The following NR6A1 variants were observed in gnomAD, a reference collection of about 807,000 sequenced individuals.
NR6A1 encodes the protein nuclear receptor subfamily 6 group A member 1.
Under a neutral mutation model 59.1 loss-of-function variants are expected in NR6A1, and 7 were observed. That is an observed-to-expected ratio of 0.12 (90% confidence interval 0.07 to 0.22). NR6A1 has a LOEUF of 0.22. NR6A1 is among the 10% of genes least tolerant of loss of function. The probability of loss-of-function intolerance (pLI) is 1.00; values close to 1 mark genes in which losing one functional copy is unlikely to be tolerated. For synonymous variants in NR6A1, 243 were observed against 236.1 expected, an observed-to-expected ratio of 1.03 and a Z score of -0.27; for missense variants, 468 against 611.6, an observed-to-expected ratio of 0.77 and a Z score of 2.48.
intron 1 of NR6A1, among the ~76,000 whole-genome samples, chr9:124,739,340 G>A (rs886230569): frequency 6.6e-5 from 10 of 152,182 alleles, no homozygotes; most frequent in Non-Finnish European, 1.0e-4. Flanking sequence ...CATGAGATTT[G>A]GTGAATATAT....
intron 2 of NR6A1, among the ~76,000 whole-genome samples, chr9:124,588,544 G>A (rs1835001778): frequency 1.3e-5 from 2 of 150,122 alleles, no homozygotes; most frequent in South Asian, 2.1e-4. Flanking sequence ...TCCTGGCCTC[G>A]TGATCCACCC....
At chr9:124,713,853 G>T (rs1352900649) in intron 2 of NR6A1, among the ~76,000 whole-genome samples, 2 of 152,188 alleles carry the variant, frequency 1.3e-5, no homozygotes, top group African/African-American at 4.8e-5. Flanking sequence ...ATTAAAAACA[G>T]AATTACCATA....
At chr9:124,711,945 T>C (rs1021691645) in intron 2 of NR6A1, among the ~76,000 whole-genome samples, 1 of 152,256 alleles carries the variant, frequency 6.6e-6, no homozygotes, top group Non-Finnish European at 1.5e-5. Flanking sequence ...GCTCTTAGAA[T>C]GACCTAAGGG....
chr9:124,706,395 A>T (rs1839133533), intron 2 of NR6A1, among the ~76,000 whole-genome samples: 1 of 152,174 alleles, frequency 6.6e-6, no homozygotes, highest in Non-Finnish European at 1.5e-5. Flanking sequence ...ACTCCCTTTC[A>T]GCTTGAAGAA....
chr9:124,556,440 A>G lies in NR6A1; in HGVS notation c.143-1870T>C, dbSNP rs576812981. Reference sequence around the variant, plus strand: ...GGAGTGTGGCTCTGCAAACACTTTCATTTCAGCCCAGGGATACTGATTTTT... The same window carrying G: ...GGAGTGTGGCTCTGCAAACACTTTCGTTTCAGCCCAGGGATACTGATTTTT... On this transcript the variant is annotated intron_variant, in intron 2 of 9. Coordinates refer to ENST00000487099, the MANE Select transcript of NR6A1 (RefSeq NM_033334.4). Among the ~76,000 whole-genome samples, 65 of 151,414 alleles carry G rather than the reference A, an allele frequency of 4.3e-4. 1 individual carries two copies. Among genetic ancestry groups the G allele is most frequent in the African/African-American group, 1.6e-3 (64 of 41,246 alleles).
intron 1 of NR6A1, among the ~76,000 whole-genome samples, chr9:124,759,279 G>A (rs1220104450): frequency 2.2e-4 from 34 of 152,218 alleles, no homozygotes; most frequent in Non-Finnish European, 4.4e-5. Context: ...CTGCATTCCC[G>A]AATACAGTCA....
intron 1 of NR6A1, among the ~76,000 whole-genome samples, chr9:124,767,823 T>A (rs1042674990): frequency 1.3e-5 from 2 of 152,252 alleles, no homozygotes; most frequent in African/African-American, 4.8e-5. Context: ...TTTAATTACT[T>A]ATAATGGCTT....
At chr9:124,628,585 G>A (rs570621747) in intron 2 of NR6A1, among the ~76,000 whole-genome samples, 4 of 150,306 alleles carry the variant, frequency 2.7e-5, no homozygotes, top group South Asian at 2.1e-4. Flanking sequence ...CTTGTGATCC[G>A]TCCGCCTTGG....
intron 2 of NR6A1, among the ~76,000 whole-genome samples, chr9:124,566,936 G>A (rs1042521441): frequency 5.9e-5 from 9 of 151,968 alleles, no homozygotes; most frequent in Middle Eastern, 3.4e-3. Context: ...GTGAAACCCC[G>A]TCTCTACTAA....
chr9:124,536,334 G>T (rs1833266291), intron 6 of NR6A1, among the ~76,000 whole-genome samples: 1 of 152,120 alleles, frequency 6.6e-6, no homozygotes, highest in South Asian at 2.1e-4. Flanking sequence ...GGGCTGGAGA[G>T]GCGGGTCTGG....
chr9:124,550,706 T>C (rs1833753895), intron 3 of NR6A1, among the ~76,000 whole-genome samples: 1 of 151,944 alleles, frequency 6.6e-6, no homozygotes. Context: ...TTTATATTTA[T>C]ATTTATATTT....
At chr9:124,675,898 G>A (rs1289535362) in intron 2 of NR6A1, among the ~76,000 whole-genome samples, 4 of 152,122 alleles carry the variant, frequency 2.6e-5, no homozygotes, top group African/African-American at 4.8e-5. Context: ...GAAAAAGTAC[G>A]CTCTTGCCGG....
chr9:124,770,950 G>C, intron 1 of NR6A1, 70 bp downstream of exon 1: 1 of 895,412 alleles, frequency 1.1e-6, no homozygotes, highest in Non-Finnish European at 1.5e-6. Context: ...GCAGAGAGGA[G>C]GGGGATCCCT....
chr9:124,561,585 T>A (rs913139619), intron 2 of NR6A1, among the ~76,000 whole-genome samples: 6 of 152,310 alleles, frequency 3.9e-5, no homozygotes, highest in Middle Eastern at 3.4e-3. Flanking sequence ...AAATTGTTGC[T>A]TAATAATAAG....
intron 2 of NR6A1, among the ~76,000 whole-genome samples, chr9:124,715,736 T>C (rs1009292692): frequency 6.6e-6 from 1 of 151,994 alleles, no homozygotes; most frequent in Non-Finnish European, 1.5e-5. Context: ...AATAGCCAAA[T>C]AATCAAAACA....
chr9:124,628,369 G>C (rs1282782686), intron 2 of NR6A1, among the ~76,000 whole-genome samples: 2 of 151,970 alleles, frequency 1.3e-5, no homozygotes, highest in African/African-American at 2.4e-5. Flanking sequence ...TTTTGAGATG[G>C]AGTCTTGCTC....
chr9:124,591,976 G>T (rs374822441), intron 2 of NR6A1, among the ~76,000 whole-genome samples: 1 of 152,156 alleles, frequency 6.6e-6, no homozygotes, highest in Non-Finnish European at 1.5e-5. Context: ...CTTGCAAATA[G>T]ATTAATTTCC....
intron 2 of NR6A1, among the ~76,000 whole-genome samples, chr9:124,582,670 T>C (rs142150361): frequency 0.018 from 2,669 of 152,168 alleles, 68 homozygotes; most frequent in African/African-American, 0.059. Flanking sequence ...AAGGACTGCT[T>C]GAGGCCAGGA....
intron 1 of NR6A1, among the ~76,000 whole-genome samples, chr9:124,764,057 G>A (rs1211340911): frequency 6.6e-6 from 1 of 151,976 alleles, no homozygotes; most frequent in South Asian, 2.1e-4. Flanking sequence ...GGTGGTGGAT[G>A]CCTGTAATCC....
Sources: allele counts gnomAD v4.1 joint callset (sites outside exome capture counted in the v4.1 genomes callset), GRCh38; gene constraint gnomAD v4.1.1; transcripts MANE v1.5; gene names NCBI Gene and HGNC (gene_info 2026-07-23, HGNC 2026-07-21).